KIAA0513: variants seen among roughly 807,000 people sequenced by gnomAD.
KIAA0513 encodes KIAA0513.
Under a neutral mutation model 56.5 loss-of-function variants are expected in KIAA0513, and 39 were observed. The observed-to-expected ratio is 0.69, with a 90% confidence interval of 0.53 to 0.90. The LOEUF (loss-of-function observed/expected upper bound fraction) is 0.90. KIAA0513 is among the 40% of genes least tolerant of loss of function. KIAA0513 has a pLI of 0.00. For missense variants in KIAA0513, 591 were observed against 535.2 expected (o/e 1.10, Z -1.03); for synonymous variants, 268 against 215.6 (o/e 1.24, Z -2.13).
chr16:85,051,849 T>G (rs2143926544), intron 1 of KIAA0513, among the ~76,000 whole-genome samples: 1 of 151,742 alleles, frequency 6.6e-6, no homozygotes, highest in East Asian at 2.0e-4. Flanking sequence ...AGACGGGGTC[T>G]TGCTGTGTTG....
At chr16:85,071,052 C>A (rs1271281970) in intron 2 of KIAA0513, among the ~76,000 whole-genome samples, 1 of 152,242 alleles carries the variant, frequency 6.6e-6, no homozygotes, top group Non-Finnish European at 1.5e-5. Context: ...GCCAAGTGAT[C>A]TTCAGCCTTC....
intron 1 of KIAA0513, among the ~76,000 whole-genome samples, chr16:85,050,442 C>T (rs902808919): frequency 5.3e-5 from 8 of 151,744 alleles, no homozygotes; most frequent in East Asian, 1.9e-4. Context: ...CTCCACCTCC[C>T]GGGTTCAAGC....
intron 1 of KIAA0513, among the ~76,000 whole-genome samples, chr16:85,044,984 G>C (rs1313572939): frequency 6.6e-6 from 1 of 152,216 alleles, no homozygotes; most frequent in East Asian, 2.0e-4. Context: ...CGGGCGTGGT[G>C]GTGGGCACCT....
In KIAA0513 at chr16:85,067,280, G is replaced by A. The variant is rs138339820; in HGVS notation, c.209G>A (p.Arg70His). 1.2e-5 allele frequency: 19 copies of A among 1,613,758 alleles called. No individual in the cohort carries two copies. The Admixed American group carries it at 2.2e-4, about 18-fold the overall frequency. ...TCGCACCCGTCCTGGGACCAAGACC[G>A]CCGTTCCTCCTCCAACGAGTCCTTC... is the stretch of plus-strand genomic sequence containing the variant. ...SPSHPSWDQD[R>H]RSSSNESFSS... Residue 70 changes from arginine (R) to histidine (H), a missense_variant, in exon 2 of 13, where the codon CGC becomes CAC. Coordinates refer to ENST00000683363, the MANE Select transcript of KIAA0513 (RefSeq NM_001388359.1).
rs1446826300 is a variant in KIAA0513, at chr16:85,070,629, G to C, written c.330-1154G>C. Among the ~76,000 whole-genome samples, 3 of 152,236 alleles carry C rather than the reference G, an allele frequency of 2.0e-5. No homozygotes were observed. In the East Asian group the frequency reaches 5.8e-4, roughly 29 times the overall value. Reference sequence around the variant, plus strand: ...GGAGGCAGAGGTTGCAATGAGCTGAGATTGCGCCACTGCACTCCAGCCTGC... The same window carrying C: ...GGAGGCAGAGGTTGCAATGAGCTGACATTGCGCCACTGCACTCCAGCCTGC... On this transcript the variant is annotated intron_variant, in intron 2 of 12. Transcript: ENST00000683363.
intron 9 of KIAA0513, 32 bp from the exon 10 acceptor site, chr16:85,082,532 C>T (rs376403313): frequency 2.5e-6 from 4 of 1,612,762 alleles, no homozygotes; most frequent in Non-Finnish European, 3.4e-6. Flanking sequence ...TTGACATGTT[C>T]CTTTGTTTAC....
intron 10 of KIAA0513, among the ~76,000 whole-genome samples, chr16:85,082,923 C>T (rs890119407): frequency 3.3e-5 from 5 of 152,252 alleles, no homozygotes; most frequent in Non-Finnish European, 7.3e-5. Flanking sequence ...AAGCGGGCTC[C>T]AGTTCTGAGC....
intron 3 of KIAA0513, 119 bp from the exon 4 acceptor site, chr16:85,072,806 A>T: frequency 2.0e-6 from 2 of 985,920 alleles, no homozygotes; most frequent in African/African-American, 1.6e-5. Context: ...GGCAGCAGAC[A>T]TCCTGGGCCC....
intron 1 of KIAA0513, among the ~76,000 whole-genome samples, chr16:85,044,565 G>T (rs1345392312): frequency 6.6e-6 from 1 of 150,462 alleles, no homozygotes; most frequent in East Asian, 2.0e-4. Context: ...GGAGTGCAAT[G>T]GTGCGGTCTC....
intron 1 of KIAA0513, among the ~76,000 whole-genome samples, chr16:85,066,630 G>C (rs952709063): frequency 6.6e-6 from 1 of 152,196 alleles, no homozygotes; most frequent in East Asian, 1.9e-4. Context: ...CAGTCTTGGG[G>C]CTGGAGCGGG....
At chr16:85,068,273 C>T (rs1324205979) in intron 2 of KIAA0513, among the ~76,000 whole-genome samples, 2 of 152,116 alleles carry the variant, frequency 1.3e-5, no homozygotes, top group Non-Finnish European at 1.5e-5. Context: ...TCTCCTGCCT[C>T]AGCCTCCCAA....
chr16:85,072,016 A>AT, intron 3 of KIAA0513, 134 bp downstream of exon 3: 1 of 645,732 alleles, frequency 1.5e-6, no homozygotes. Flanking sequence ...CAGTAAAAAA[A>AT]GTAAAACTTA....
rs576187533 is a variant in KIAA0513 at position 85,091,188 on chromosome 16, A to G, written c.*2863A>G. 1 of 152,362 alleles carries G rather than the reference A, an allele frequency of 6.6e-6. No individual in the cohort carries two copies. Among genetic ancestry groups the G allele is most frequent in the Admixed American group, 6.5e-5 (1 of 15,306 alleles). 9.4% of individuals were successfully genotyped at this position (152,362 alleles called of 1,614,324 possible). A position where few individuals can be genotyped will look rare whatever the true frequency, so the allele number is the denominator to read the frequency against. On this transcript the variant is annotated 3_prime_UTR_variant, in exon 13 of 13. Coordinates refer to ENST00000683363, the MANE Select transcript of KIAA0513 (RefSeq NM_001388359.1). ...CCGCCCGACCTTGAGGGCTGTGCCA[A>G]TCCTAGTGAACCAAAATGCAAACAA...
chr16:85,082,279 G>A lies in KIAA0513; in HGVS notation c.981-285G>A, dbSNP rs72805487. On this transcript the variant is annotated intron_variant, in intron 9 of 12. Coordinates refer to ENST00000683363, the MANE Select transcript of KIAA0513 (RefSeq NM_001388359.1). ...ATTTCCTGGGGAGGCAGAGGGGCTC[G>A]TGGAGAGGGAAAGACGCTGAGACTG... Among the ~76,000 whole-genome samples the A allele has an allele frequency of 4.2e-3, 645 of 152,206 alleles. 4 individuals are homozygous for A. Among genetic ancestry groups the A allele is most frequent in the Non-Finnish European group, 7.4e-3 (503 of 68,014 alleles).
intron 1 of KIAA0513, among the ~76,000 whole-genome samples, chr16:85,029,004 G>A (rs555863821): frequency 6.6e-6 from 1 of 152,204 alleles, no homozygotes; most frequent in Non-Finnish European, 1.5e-5. Context: ...TCGTTCAAAG[G>A]AAAAAGGTTT....
At chr16:85,037,625 C>G in intron 1 of KIAA0513, among the ~76,000 whole-genome samples, 1 of 152,166 alleles carries the variant, frequency 6.6e-6, no homozygotes, top group Non-Finnish European at 1.5e-5. Flanking sequence ...CTAATCCGCA[C>G]TCTATTCAGT....
At chr16:85,078,337 A>G (rs12932076) in intron 6 of KIAA0513, 78 bp from the exon 7 acceptor site, 106,419 of 1,506,236 alleles carry the variant, frequency 0.071, 4,025 homozygotes, top group South Asian at 0.079. Context: ...CCCACCTTAG[A>G]AGTGTAGAAC....
intron 2 of KIAA0513, 89 bp from the exon 3 acceptor site, chr16:85,071,694 A>G (rs76013986): frequency 0.045 from 47,329 of 1,060,202 alleles, 1,261 homozygotes; most frequent in Non-Finnish European, 0.052. Flanking sequence ...ATATTTCGTT[A>G]GTTCCTTCTC....
Position 85,077,588 on chromosome 16 carries a change from G to A in KIAA0513, c.738G>A (p.Gly246=). ...ARTENVKGFF[G]GLETKLKGPL... is the part of the protein sequence containing the mutation. Reference sequence around the variant, plus strand: ...CTGAGAATGTCAAGGGCTTCTTCGGGGGGCTGGAGACCAAGCTGAAGGGGC... The same window carrying A: ...CTGAGAATGTCAAGGGCTTCTTCGGAGGGCTGGAGACCAAGCTGAAGGGGC... The change falls in exon 6 of 13, where the codon GGG becomes GGA. Residue 246 remains glycine (G), a synonymous_variant. Transcript: ENST00000683363. 6.2e-7 allele frequency: 1 copy of A among 1,614,018 alleles called. No homozygotes were observed. Among genetic ancestry groups the A allele is most frequent in the Non-Finnish European group, 8.5e-7 (1 of 1,179,968 alleles).
Sources: allele counts gnomAD v4.1 joint callset (sites outside exome capture counted in the v4.1 genomes callset), GRCh38; gene constraint gnomAD v4.1.1; transcripts MANE v1.5; gene names NCBI Gene and HGNC (gene_info 2026-07-23, HGNC 2026-07-21).